The following NEK11 variants were observed in gnomAD, a reference collection of about 807,000 sequenced individuals.
NEK11 encodes the protein NIMA related kinase 11.
NEK11 carries 72 observed loss-of-function variants against 80.7 expected under a neutral mutation model. That is an observed-to-expected ratio of 0.89 (90% CI 0.74 to 1.08). The LOEUF (loss-of-function observed/expected upper bound fraction) is 1.08, where lower values mean the gene tolerates loss of function less well. Among genes scored for constraint, NEK11 ranks in the 50% least tolerant of loss-of-function variants. The probability of loss-of-function intolerance (pLI) is 0.00; values close to 1 mark genes in which losing one functional copy is unlikely to be tolerated. For synonymous variants in NEK11, 251 were observed against 260.7 expected, an observed-to-expected ratio of 0.96 and a Z score of 0.36; for missense variants, 764 against 763.6, an observed-to-expected ratio of 1.00 and a Z score of -0.01.
chr3:131,168,425 C>A, intron 12 of NEK11, among the ~76,000 whole-genome samples: 1 of 148,694 alleles, frequency 6.7e-6, no homozygotes, highest in Admixed American at 6.7e-5. Flanking sequence ...GGCGGGATCT[C>A]GGCTCACTGC....
At chr3:131,317,826 A>AGGGGGGG (rs2096859493) in intron 17 of NEK11, among the ~76,000 whole-genome samples, 1 of 2,728 alleles carries the variant, frequency 3.7e-4, no homozygotes, top group Non-Finnish European at 7.4e-4. Flanking sequence ...GGGGGAGGGG[A>AGGGGGGG]GGGGAGGGAA....
At chr3:131,129,887 G>T (rs930013287) in intron 5 of NEK11, among the ~76,000 whole-genome samples, 4 of 151,996 alleles carry the variant, frequency 2.6e-5, no homozygotes, top group African/African-American at 7.3e-5. Context: ...CAACATTGTT[G>T]TTCTCCTTCA....
rs1169050856 is a variant in NEK11, at chr3:131,152,519, T to A, written c.779T>A (p.Leu260Gln). Residue 260 changes from leucine (L) to glutamine (Q), a missense_variant, in exon 8 of 18, where the codon CTA (leucine) becomes CAA (glutamine). By Grantham distance (113) the Leu-to-Gln change is moderately radical. Transcript: ENST00000383366. ...CTCCCTGAGAGATATCCAAAAGAAC[T>A]AAATGCCATCATGGAAAGGTATAGA... ...PSLPERYPKE[L>Q]NAIMESMLNK... The A allele has an allele frequency of 1.2e-6, 2 of 1,613,364 alleles. No individual in the cohort carries two copies. The highest frequency in any genetic ancestry group is 1.7e-6 in the Non-Finnish European group (2 of 1,179,686).
chr3:131,143,390 C>T (rs2087404548), intron 7 of NEK11, among the ~76,000 whole-genome samples: 1 of 152,258 alleles, frequency 6.6e-6, no homozygotes, highest in African/African-American at 2.4e-5. Flanking sequence ...CTATGCCAGT[C>T]AAGTAGCTGT....
chr3:131,096,982 G>A (rs150877469), intron 4 of NEK11, among the ~76,000 whole-genome samples: 3,238 of 148,752 alleles, frequency 0.022, 119 homozygotes, highest in African/African-American at 0.074. Context: ...GAGAACATGC[G>A]GTGTTTGGTG....
At chr3:131,038,229 T>C (rs2109522359) in intron 3 of NEK11, among the ~76,000 whole-genome samples, 1 of 152,328 alleles carries the variant, frequency 6.6e-6, no homozygotes, top group South Asian at 2.1e-4. Context: ...AAAGAGTACA[T>C]TTGAACTTGG....
intron 4 of NEK11, among the ~76,000 whole-genome samples, chr3:131,106,195 C>T (rs141219401): frequency 6.6e-6 from 1 of 151,240 alleles, no homozygotes; most frequent in Non-Finnish European, 1.5e-5. Flanking sequence ...CAATGTGGCA[C>T]AGAACATTTA....
At chr3:131,196,827 ATTTCTTTTCT>A (rs948345628) in intron 14 of NEK11, among the ~76,000 whole-genome samples, 4 of 149,764 alleles carry the variant, frequency 2.7e-5, no homozygotes, top group Admixed American at 6.7e-5. Context: ...TGGCCACAAA[ATTTCTTTTCT>A]TTTCTTTTCT....
chr3:131,152,739 C>T, intron 9 of NEK11, 30 bp downstream of exon 9: 10 of 1,436,220 alleles, frequency 7.0e-6, no homozygotes, highest in Non-Finnish European at 9.8e-6. Context: ...TTCTGGGAAA[C>T]AGGTATGAGC....
At chr3:131,199,003 C>T (rs2094132302) in intron 14 of NEK11, among the ~76,000 whole-genome samples, 1 of 152,090 alleles carries the variant, frequency 6.6e-6, no homozygotes. Flanking sequence ...CACTGAGTGC[C>T]CTGGTGCCTT....
chr3:131,282,316 A>G (rs1231217123), intron 17 of NEK11, among the ~76,000 whole-genome samples: 1 of 151,150 alleles, frequency 6.6e-6, no homozygotes, highest in Admixed American at 6.6e-5. Context: ...AGTGACATGC[A>G]CATCATGCCC....
At chr3:131,049,380 G>A (rs1446210746) in intron 3 of NEK11, among the ~76,000 whole-genome samples, 3 of 152,172 alleles carry the variant, frequency 2.0e-5, no homozygotes, top group Non-Finnish European at 4.4e-5. Context: ...CAGTAGTTAC[G>A]CAGTATATGT....
chr3:131,082,555 G>C (rs1040339245), intron 4 of NEK11, among the ~76,000 whole-genome samples: 1 of 152,146 alleles, frequency 6.6e-6, no homozygotes, highest in Non-Finnish European at 1.5e-5. Context: ...CTTGCTGTGC[G>C]GATAGTGCAG....
intron 3 of NEK11, 131 bp downstream of exon 3, chr3:131,030,009 G>T: frequency 1.3e-6 from 1 of 792,478 alleles, no homozygotes; most frequent in Non-Finnish European, 2.0e-6. Context: ...GGTGGCCAAG[G>T]TTGGCAGATC....
intron 7 of NEK11, among the ~76,000 whole-genome samples, chr3:131,136,313 G>A (rs2085550896): frequency 6.6e-6 from 1 of 152,094 alleles, no homozygotes; most frequent in African/African-American, 2.4e-5. Context: ...TAATAAGAGA[G>A]AACTATTAAT....
At chr3:131,151,508 T>C (rs2089637118) in intron 7 of NEK11, among the ~76,000 whole-genome samples, 2 of 152,234 alleles carry the variant, frequency 1.3e-5, no homozygotes, top group South Asian at 2.1e-4. Flanking sequence ...AAGGACATTG[T>C]TAAAAGTTAC....
intron 5 of NEK11, among the ~76,000 whole-genome samples, chr3:131,130,472 G>A (rs1023377438): frequency 6.6e-6 from 1 of 152,158 alleles, no homozygotes; most frequent in Non-Finnish European, 1.5e-5. Flanking sequence ...TCAGTATAAT[G>A]TTGAAAATAA....
intron 15 of NEK11, among the ~76,000 whole-genome samples, chr3:131,237,326 C>T (rs149877876): frequency 2.1e-4 from 32 of 152,224 alleles, no homozygotes; most frequent in African/African-American, 6.7e-4. Context: ...ACAGATGAGA[C>T]CCTGTCTCAA....
In NEK11 at chr3:131,279,868, G is replaced by A. The variant is rs77021222; in HGVS notation, c.1718+6294G>A. 3.5e-4 allele frequency among the ~76,000 whole-genome samples: 53 copies of A among 152,228 alleles called. No individual in the cohort carries two copies. In the East Asian group the frequency reaches 7.9e-3, roughly 23 times the overall value. Reference sequence around the variant, plus strand: ...AAGTCACAGGCACCTCACTAGCAGCGGTCCCGAAGGTTTCTGTCCCCAGTA... The same window carrying A: ...AAGTCACAGGCACCTCACTAGCAGCAGTCCCGAAGGTTTCTGTCCCCAGTA... On this transcript the variant is annotated intron_variant, in intron 17 of 17. Coordinates refer to ENST00000383366, the MANE Select transcript of NEK11 (RefSeq NM_024800.5).
Sources: gnomAD v4.1 joint callset for allele counts (sites outside exome capture counted in the v4.1 genomes callset) on GRCh38, gnomAD v4.1.1 for gene constraint, MANE v1.5 for transcripts, NCBI Gene and HGNC (gene_info 2026-07-23, HGNC 2026-07-21) for gene names.